The following APBA1 variants were observed in gnomAD, a reference collection of about 807,000 sequenced individuals.
APBA1 encodes the protein amyloid beta precursor protein binding family A member 1.
Under a neutral mutation model 86.6 loss-of-function variants are expected in APBA1, and 55 were observed. The ratio of observed to expected loss-of-function variants is 0.64; its 90% confidence interval spans 0.51 to 0.80. The LOEUF (loss-of-function observed/expected upper bound fraction) is 0.80. Ranked by LOEUF, APBA1 falls within the 30% of genes least tolerant of loss-of-function variation. The pLI is 0.00. For synonymous variants in APBA1, 511 were observed against 493.9 expected (o/e 1.03, Z -0.46); for missense variants, 1,090 against 1,183.0 (o/e 0.92, Z 1.15).
At chr9:69,643,558 T>C (rs1349041804) in intron 1 of APBA1, among the ~76,000 whole-genome samples, 3 of 152,118 alleles carry the variant, frequency 2.0e-5, no homozygotes, top group Non-Finnish European at 4.4e-5. Context: ...GCCTCATTCC[T>C]CTCCCTCCTT....
intron 1 of APBA1, among the ~76,000 whole-genome samples, chr9:69,534,008 G>T (rs1281063100): frequency 6.6e-6 from 1 of 152,130 alleles, no homozygotes. Flanking sequence ...ATAGAAGAAA[G>T]ATCTACTAAA....
intron 2 of APBA1, among the ~76,000 whole-genome samples, chr9:69,502,101 G>T (rs1031501009): frequency 6.6e-6 from 1 of 152,102 alleles, no homozygotes; most frequent in Non-Finnish European, 1.5e-5. Flanking sequence ...TGGGAGAGGG[G>T]TCAGGCAAAG....
At chr9:69,621,085 T>C (rs1424111759) in intron 1 of APBA1, among the ~76,000 whole-genome samples, 1 of 152,214 alleles carries the variant, frequency 6.6e-6, no homozygotes, top group Non-Finnish European at 1.5e-5. Context: ...TGGAGTTGGA[T>C]AGGACTTTTG....
intron 5 of APBA1, chr9:69,461,231 C>A (rs896205085): frequency 6.6e-6 from 1 of 152,088 alleles, no homozygotes; most frequent in East Asian, 1.9e-4. Flanking sequence ...GGCCAGCATG[C>A]ATTTTAAAGC....
chr9:69,603,413 T>C (rs772516253), intron 1 of APBA1, among the ~76,000 whole-genome samples: 1 of 152,236 alleles, frequency 6.6e-6, no homozygotes, highest in Non-Finnish European at 1.5e-5. Context: ...TTTGACCTCT[T>C]GGATGTGAAA....
intron 5 of APBA1, among the ~76,000 whole-genome samples, chr9:69,458,611 T>TTCTG (rs1195080491): frequency 6.6e-6 from 1 of 152,176 alleles, no homozygotes; most frequent in Non-Finnish European, 1.5e-5. Context: ...TCAAACTTTA[T>TTCTG]TCTGATATGC....
intron 1 of APBA1, among the ~76,000 whole-genome samples, chr9:69,568,647 G>A (rs1837068260): frequency 6.6e-6 from 1 of 152,126 alleles, no homozygotes; most frequent in South Asian, 2.1e-4. Context: ...TTATGATGTG[G>A]TCATCTGAGG....
intron 1 of APBA1, among the ~76,000 whole-genome samples, chr9:69,543,216 C>G (rs905986798): frequency 6.6e-6 from 1 of 152,060 alleles, no homozygotes; most frequent in African/African-American, 2.4e-5. Flanking sequence ...GTTCTTTGAG[C>G]CTGGACTGCG....
chr9:69,608,472 G>A (rs1822519796), intron 1 of APBA1, among the ~76,000 whole-genome samples: 1 of 152,088 alleles, frequency 6.6e-6, no homozygotes, highest in Non-Finnish European at 1.5e-5. Flanking sequence ...GATATGAAAA[G>A]GCCTAAAAGG....
chr9:69,568,639 A>T (rs2133945701), intron 1 of APBA1, among the ~76,000 whole-genome samples: 1 of 152,312 alleles, frequency 6.6e-6, no homozygotes, highest in East Asian at 1.9e-4. Context: ...TAAATCATTT[A>T]TGATGTGGTC....
chr9:69,653,024 A>AC (rs1554709519), intron 1 of APBA1, among the ~76,000 whole-genome samples: 4 of 151,566 alleles, frequency 2.6e-5, no homozygotes, highest in South Asian at 2.1e-4. Flanking sequence ...CAAAAAAAAA[A>AC]CAAAAAAACA....
intron 1 of APBA1, among the ~76,000 whole-genome samples, chr9:69,661,672 G>C (rs111468315): frequency 6.6e-6 from 1 of 152,246 alleles, no homozygotes; most frequent in East Asian, 1.9e-4. Flanking sequence ...CATGGGTCAT[G>C]GGGGGTGAAT....
rs1554694360 is a variant in APBA1 at position 69,502,415 on chromosome 9, G to GC, written c.1200+13595_1200+13596insG. Among the ~76,000 whole-genome samples the GC allele has an allele frequency of 6.9e-4, 104 of 150,388 alleles. No homozygotes were observed. In the East Asian group the frequency reaches 0.016, roughly 24 times the overall value. ...AGCAAACATTCTCCCATCTCTTTTTGTTTTTTTTTCCTTGATTGAAATGAA... is the reference window on the plus strand; with the variant it reads ...AGCAAACATTCTCCCATCTCTTTTTGCTTTTTTTTTCCTTGATTGAAATGAA... On this transcript the variant is annotated intron_variant, in intron 2 of 12. Coordinates refer to ENST00000265381, the MANE Select transcript of APBA1 (RefSeq NM_001163.4).
At chr9:69,538,060 A>T (rs1034361161) in intron 1 of APBA1, among the ~76,000 whole-genome samples, 70 of 149,894 alleles carry the variant, frequency 4.7e-4, no homozygotes, top group African/African-American at 1.7e-3. Context: ...TGGAGCCTTG[A>T]AAAAAAAATG....
chr9:69,619,851 C>T (rs112614039), intron 1 of APBA1, among the ~76,000 whole-genome samples: 13 of 152,354 alleles, frequency 8.5e-5, no homozygotes, highest in African/African-American at 3.1e-4. Flanking sequence ...TGCACATACA[C>T]ACACATTATG....
intron 1 of APBA1, among the ~76,000 whole-genome samples, chr9:69,643,988 A>G (rs971913058): frequency 3.3e-5 from 5 of 152,192 alleles, no homozygotes; most frequent in Admixed American, 3.3e-4. Flanking sequence ...CCACAAATAT[A>G]TGCAGGGCTT....
chr9:69,539,693 G>A (rs756202578), intron 1 of APBA1, among the ~76,000 whole-genome samples: 2 of 152,042 alleles, frequency 1.3e-5, no homozygotes, highest in Non-Finnish European at 2.9e-5. Context: ...TTTCACAGTC[G>A]CATTAGCCTC....
intron 1 of APBA1, among the ~76,000 whole-genome samples, chr9:69,526,833 A>G (rs895166133): frequency 4.6e-5 from 7 of 152,130 alleles, no homozygotes; most frequent in Non-Finnish European, 7.4e-5. Flanking sequence ...GTGCTCATCA[A>G]TGGTGGGCTG....
chr9:69,528,169 T>A (rs1836371707), intron 1 of APBA1, among the ~76,000 whole-genome samples: 1 of 152,142 alleles, frequency 6.6e-6, no homozygotes, highest in African/African-American at 2.4e-5. Context: ...ATATTTATAT[T>A]ATTGTGTGAT....
Sources: allele counts gnomAD v4.1 joint callset (sites outside exome capture counted in the v4.1 genomes callset), GRCh38; gene constraint gnomAD v4.1.1; transcripts MANE v1.5; gene names NCBI Gene and HGNC (gene_info 2026-07-23, HGNC 2026-07-21).